Variants in TENM3 observed in about 807,000 individuals in gnomAD.
TENM3 encodes teneurin transmembrane protein 3.
Under a neutral mutation model 255.1 loss-of-function variants are expected in TENM3, and 63 were observed. That is an observed-to-expected ratio of 0.25 (90% CI 0.20 to 0.30). TENM3 has a LOEUF of 0.30. Ranked by LOEUF, TENM3 falls within the 10% of genes least tolerant of loss-of-function variation. TENM3 has a pLI of 1.00. For missense variants in TENM3, 2,929 were observed against 3,461.1 expected (o/e 0.85, Z 3.86); for synonymous variants, 1,306 against 1,322.3 (o/e 0.99, Z 0.27).
At chr4:181,453,605 A>G in the TENM3 span, among the ~76,000 whole-genome samples, 1 of 152,154 alleles carries the variant, frequency 6.6e-6, no homozygotes, top group African/African-American at 2.4e-5. Context: ...ACAAGACTCA[A>G]AGCGTAGTTC....
At chr4:181,791,274 T>A in the TENM3 span, among the ~76,000 whole-genome samples, 83 of 152,356 alleles carry the variant, frequency 5.4e-4, no homozygotes, top group East Asian at 0.015. Context: ...CACATTTATA[T>A]GATACATTTT....
the TENM3 span, among the ~76,000 whole-genome samples, chr4:181,484,475 A>G: frequency 6.6e-6 from 1 of 152,230 alleles, no homozygotes. Context: ...ATTGAACTGT[A>G]ATTCTAGTAA....
At position 182,682,030 on chromosome 4, in the gene TENM3, G is replaced by T. The variant is rs1370069397; in HGVS notation, c.2035+16G>T. 6.2e-7 allele frequency: 1 copy of T among 1,609,804 alleles called. No individual in the cohort carries two copies. Among genetic ancestry groups the T allele is most frequent in the Admixed American group, 1.7e-5 (1 of 60,002 alleles). On this transcript the variant is annotated intron_variant, in intron 11 of 27. Coordinates refer to ENST00000511685, the MANE Select transcript of TENM3 (RefSeq NM_001080477.4). ...TGCTCAAACGGTGAGGTTAATAAAT[G>T]CAGTACAATCGAGTTGCTTAATACT...
the TENM3 span, among the ~76,000 whole-genome samples, chr4:181,876,871 G>A: frequency 6.6e-6 from 1 of 151,948 alleles, no homozygotes; most frequent in Non-Finnish European, 1.5e-5. Flanking sequence ...ATATATTTTA[G>A]GTCTTTATAT....
chr4:181,978,560 T>C, the TENM3 span, among the ~76,000 whole-genome samples: 2 of 149,722 alleles, frequency 1.3e-5, no homozygotes, highest in East Asian at 4.0e-4. Flanking sequence ...GGCAGGAGAA[T>C]CGGTTGAACC....
the TENM3 span, among the ~76,000 whole-genome samples, chr4:181,966,248 A>G: frequency 3.9e-5 from 6 of 152,300 alleles, no homozygotes; most frequent in African/African-American, 1.4e-4. Flanking sequence ...TTTATTCAGC[A>G]GATAGCAAAA....
At chr4:182,726,858 G>C (rs2152704210) in intron 13 of TENM3, among the ~76,000 whole-genome samples, 1 of 152,134 alleles carries the variant, frequency 6.6e-6, no homozygotes, top group African/African-American at 2.4e-5. Flanking sequence ...TTTTATCTCA[G>C]TTTGCTGTCA....
chr4:181,704,592 C>T, the TENM3 span, among the ~76,000 whole-genome samples: 5 of 152,162 alleles, frequency 3.3e-5, no homozygotes, highest in Admixed American at 2.0e-4. Flanking sequence ...AAAATCATAA[C>T]GGATGGACCC....
At chr4:181,664,504 T>A in the TENM3 span, among the ~76,000 whole-genome samples, 3 of 150,368 alleles carry the variant, frequency 2.0e-5, no homozygotes, top group African/African-American at 7.4e-5. Flanking sequence ...AAAAATAGAA[T>A]CTACTGCAGA....
At chr4:182,492,007 T>C (rs2151590779) in intron 3 of TENM3, among the ~76,000 whole-genome samples, 1 of 152,266 alleles carries the variant, frequency 6.6e-6, no homozygotes, top group East Asian at 1.9e-4. Context: ...GGCAGTGGAC[T>C]GCATCTACCC....
chr4:182,316,715 G>A (rs868746796), intron 1 of TENM3, among the ~76,000 whole-genome samples: 5 of 152,180 alleles, frequency 3.3e-5, no homozygotes, highest in Middle Eastern at 3.4e-3. Context: ...CACTTGTGTC[G>A]ATCAGTACTC....
the TENM3 span, among the ~76,000 whole-genome samples, chr4:181,782,241 G>A: frequency 1.3e-5 from 2 of 152,052 alleles, no homozygotes; most frequent in African/African-American, 2.4e-5. Flanking sequence ...CTGTGAATCC[G>A]TCTGGCCCTG....
At chr4:181,949,425 G>A in the TENM3 span, among the ~76,000 whole-genome samples, 1 of 152,022 alleles carries the variant, frequency 6.6e-6, no homozygotes, top group South Asian at 2.1e-4. Flanking sequence ...AAAAACCTAG[G>A]GTCATCCTTG....
chr4:182,738,431 T>C lies in TENM3; in HGVS notation c.3266T>C (p.Leu1089Ser). The change falls in exon 18 of 28, where the codon TTG (leucine) becomes TCG (serine). Residue 1089 changes from leucine to serine, a missense_variant. Around this residue, in one of 6 missense-constraint regions of TENM3, gnomAD observed 1,608 missense variants for 1,884.4 expected, o/e 0.85. Coordinates refer to ENST00000511685, the MANE Select transcript of TENM3 (RefSeq NM_001080477.4). ...GTTGGATATGAGTATGAGTCGTGTT[T>C]GGACCTGACTCTGTGGGAAAAGAGG... ...VSVGYEYESC[L>S]DLTLWEKRTA... 2.5e-6 allele frequency: 4 copies of C among 1,612,926 alleles called. No homozygotes were observed. Among genetic ancestry groups the C allele is most frequent in the Non-Finnish European group, 3.4e-6 (4 of 1,179,404 alleles).
chr4:182,771,805 AG>A (rs1764253784), intron 22 of TENM3, among the ~76,000 whole-genome samples: 2 of 152,188 alleles, frequency 1.3e-5, no homozygotes, highest in Non-Finnish European at 2.9e-5. Context: ...TTCCTTTGCT[AG>A]GGGCGTTTGG....
intron 11 of TENM3, among the ~76,000 whole-genome samples, chr4:182,685,147 TCTC>T (rs1373874417): frequency 6.6e-6 from 1 of 152,092 alleles, no homozygotes; most frequent in Non-Finnish European, 1.5e-5. Context: ...CATCCTGAGT[TCTC>T]CTTCCCATTC....
chr4:182,149,954 G>A (rs554448622), intron 1 of TENM3, among the ~76,000 whole-genome samples: 23 of 151,982 alleles, frequency 1.5e-4, no homozygotes, highest in Non-Finnish European at 2.6e-4. Context: ...ATTCACACTT[G>A]CATTTAATGA....
intron 23 of TENM3, chr4:182,773,902 A>G (rs1764471027): frequency 6.4e-6 from 2 of 311,180 alleles, no homozygotes; most frequent in Admixed American, 4.9e-5. Context: ...ACTTCATTCC[A>G]GCCCTTCACA....
chr4:182,111,189 CTTTTT>C, the TENM3 span, among the ~76,000 whole-genome samples: 36 of 80,534 alleles, frequency 4.5e-4, no homozygotes, highest in African/African-American at 6.3e-4. Context: ...GTCTTCTTCT[CTTTTT>C]TTTTTTTTTT....
Sources: allele counts gnomAD v4.1 joint callset (sites outside exome capture counted in the v4.1 genomes callset), GRCh38; gene constraint gnomAD v4.1.1; regional missense constraint gnomAD v4.1.1; transcripts MANE v1.5; gene names NCBI Gene and HGNC (gene_info 2026-07-23, HGNC 2026-07-21).